The following PARM1 variants were observed in gnomAD, a reference collection of about 807,000 sequenced individuals.
PARM1 encodes prostate androgen-regulated mucin-like protein 1, also known as WSC4, cell wall integrity and stress response component 4 homolog.
PARM1 carries 14 observed loss-of-function variants against 24.6 expected under a neutral mutation model. That is an observed-to-expected ratio of 0.57 (90% CI 0.38 to 0.89). The LOEUF is 0.89. PARM1 is among the 40% of genes least tolerant of loss of function. The pLI is 0.00. For missense variants in PARM1, 362 were observed against 380.4 expected (o/e 0.95, Z 0.40); for synonymous variants, 179 against 156.6 (o/e 1.14, Z -1.07).
chr4:74,995,044 G>A (rs745647826), intron 1 of PARM1, among the ~76,000 whole-genome samples: 6 of 151,900 alleles, frequency 3.9e-5, no homozygotes, highest in African/African-American at 7.3e-5. Flanking sequence ...AAAACTCCTC[G>A]CAAATTTAAA....
chr4:74,938,684 A>C (rs1721241886), intron 1 of PARM1, among the ~76,000 whole-genome samples: 1 of 152,148 alleles, frequency 6.6e-6, no homozygotes, highest in Admixed American at 6.6e-5. Flanking sequence ...TTACAGCTTA[A>C]ATTATTTAAA....
intron 1 of PARM1, among the ~76,000 whole-genome samples, chr4:74,958,282 AAAAAT>A (rs774315885): frequency 1.3e-5 from 2 of 152,160 alleles, no homozygotes; most frequent in Non-Finnish European, 2.9e-5. Context: ...AGGGATATAC[AAAAAT>A]AATTAAGGCA....
chr4:74,989,371 A>G (rs979574257), intron 1 of PARM1, among the ~76,000 whole-genome samples: 9 of 152,174 alleles, frequency 5.9e-5, no homozygotes, highest in African/African-American at 2.2e-4. Context: ...AATTTGCTAG[A>G]GCTGCCCACA....
chr4:74,947,634 C>T (rs1376317408), intron 1 of PARM1, among the ~76,000 whole-genome samples: 1 of 152,088 alleles, frequency 6.6e-6, no homozygotes, highest in Non-Finnish European at 1.5e-5. Flanking sequence ...TTTAGAGATA[C>T]ATACTATTTT....
intron 1 of PARM1, among the ~76,000 whole-genome samples, chr4:75,010,516 C>T (rs188351978): frequency 2.5e-4 from 38 of 152,224 alleles, no homozygotes; most frequent in African/African-American, 8.2e-4. Context: ...TGTTAGCATA[C>T]TTTACCACAA....
intron 1 of PARM1, among the ~76,000 whole-genome samples, chr4:74,964,346 C>A (rs1158379936): frequency 6.6e-6 from 1 of 152,170 alleles, no homozygotes. Context: ...CATTAGTCCC[C>A]CCACTTCAGA....
intron 1 of PARM1, among the ~76,000 whole-genome samples, chr4:74,943,052 A>T (rs938458552): frequency 6.6e-6 from 1 of 152,186 alleles, no homozygotes; most frequent in East Asian, 1.9e-4. Context: ...TTCTCCAGAT[A>T]CCCATATGAC....
At chr4:75,008,965 A>T (rs1722821083) in intron 1 of PARM1, among the ~76,000 whole-genome samples, 1 of 151,804 alleles carries the variant, frequency 6.6e-6, no homozygotes. Context: ...CAGCCATGAC[A>T]GCTGCCAGAA....
chr4:74,938,633 G>A (rs896316874), intron 1 of PARM1, among the ~76,000 whole-genome samples: 3 of 152,164 alleles, frequency 2.0e-5, no homozygotes, highest in African/African-American at 7.2e-5. Context: ...TATTCAGTAA[G>A]ATTGATTTGT....
intron 1 of PARM1, chr4:74,997,854 T>G (rs940875772): frequency 6.6e-6 from 1 of 152,172 alleles, no homozygotes. Context: ...GCAGAGTTAT[T>G]TTTTGAATAT....
intron 1 of PARM1, among the ~76,000 whole-genome samples, chr4:74,949,246 C>A (rs1314235432): frequency 6.6e-6 from 1 of 152,174 alleles, no homozygotes; most frequent in East Asian, 1.9e-4. Flanking sequence ...CACGTTTCCT[C>A]TGAGAAAAAA....
intron 3 of PARM1, among the ~76,000 whole-genome samples, chr4:75,044,000 G>C (rs187261137): frequency 3.4e-4 from 51 of 150,002 alleles, no homozygotes; most frequent in African/African-American, 1.2e-3. Flanking sequence ...TCAGAATTTT[G>C]AAGGCTAAGA....
At position 74,933,197 on chromosome 4, in the gene PARM1, A is replaced by G; in HGVS notation, c.-131A>G. 2 of 702,316 alleles carry G rather than the reference A, an allele frequency of 2.8e-6. No homozygotes were observed. Among genetic ancestry groups the G allele is most frequent in the East Asian group, 5.3e-5 (2 of 37,518 alleles). The allele number at this position is 702,316 out of a possible 1,614,324, so 43.5% of individuals were successfully genotyped here. A position where few individuals can be genotyped will look rare whatever the true frequency, so the allele number is the denominator to read the frequency against. On this transcript the variant is annotated 5_prime_UTR_variant, in exon 1 of 4. Coordinates refer to ENST00000307428, the MANE Select transcript of PARM1 (RefSeq NM_015393.4). ...TCGTTTGCCTCGCGCCCTCCACTGG[A>G]GCTGTTCGCGCCTCCCGGCTCCCAC... is the stretch of plus-strand genomic sequence containing the variant.
chr4:74,966,281 T>C (rs79584989), intron 1 of PARM1, among the ~76,000 whole-genome samples: 6,217 of 152,270 alleles, frequency 0.041, 411 homozygotes, highest in African/African-American at 0.14. Context: ...TATTCAGGAC[T>C]ATTGCAATAT....
intron 1 of PARM1, among the ~76,000 whole-genome samples, chr4:74,941,646 T>C (rs1441106213): frequency 6.6e-6 from 1 of 152,196 alleles, no homozygotes; most frequent in Non-Finnish European, 1.5e-5. Flanking sequence ...TGTGGAAAGT[T>C]ACAAAGTGAG....
intron 1 of PARM1, among the ~76,000 whole-genome samples, chr4:74,994,949 G>A (rs895737945): frequency 9.2e-5 from 14 of 152,036 alleles, no homozygotes; most frequent in Admixed American, 2.0e-4. Context: ...GTTTCCTGGC[G>A]CTCAGCTACT....
chr4:75,035,515 C>T (rs746104359), intron 3 of PARM1, among the ~76,000 whole-genome samples: 15 of 152,108 alleles, frequency 9.9e-5, no homozygotes, highest in Non-Finnish European at 1.9e-4. Context: ...TGCTCTTGAC[C>T]CCACGTGGAG....
chr4:75,009,093 T>A (rs1394511901), intron 1 of PARM1, among the ~76,000 whole-genome samples: 8 of 152,212 alleles, frequency 5.3e-5, no homozygotes, highest in African/African-American at 1.9e-4. Context: ...ATTCTAAAAC[T>A]GTTGACAGTT....
intron 1 of PARM1, among the ~76,000 whole-genome samples, chr4:74,999,658 A>G (rs1722640768): frequency 1.3e-5 from 2 of 152,248 alleles, no homozygotes; most frequent in Admixed American, 6.5e-5. Context: ...ATAAAAATCT[A>G]AAAGATATTT....
Sources: gnomAD v4.1 joint callset for allele counts (sites outside exome capture counted in the v4.1 genomes callset) on GRCh38, gnomAD v4.1.1 for gene constraint, MANE v1.5 for transcripts, NCBI Gene and HGNC (gene_info 2026-07-23, HGNC 2026-07-21) for gene names.